The following DCC variants were observed in gnomAD, a reference collection of about 807,000 sequenced individuals.
The protein encoded by DCC is DCC netrin 1 receptor.
Under a neutral mutation model 172.5 loss-of-function variants are expected in DCC, and 58 were observed. The observed-to-expected ratio is 0.34, with a 90% CI of 0.27 to 0.42. The LOEUF (loss-of-function observed/expected upper bound fraction) is 0.42. DCC is among the 10% of genes least tolerant of loss of function. The pLI, the probability that DCC is intolerant of heterozygous loss-of-function variation, is 1.00. For synonymous variants in DCC, 709 were observed against 644.5 expected (o/e 1.10, Z -1.52); for missense variants, 1,740 against 1,791.0 (o/e 0.97, Z 0.51).
At chr18:52,868,293 C>T (rs138960635) in intron 2 of DCC, among the ~76,000 whole-genome samples, 16 of 152,038 alleles carry the variant, frequency 1.1e-4, no homozygotes, top group East Asian at 7.8e-4. Context: ...TAAGTTAAAA[C>T]GGGTTTAATG....
At chr18:52,513,818 G>T (rs1380465950) in intron 1 of DCC, among the ~76,000 whole-genome samples, 2 of 152,182 alleles carry the variant, frequency 1.3e-5, no homozygotes, top group Non-Finnish European at 2.9e-5. Flanking sequence ...CAGATGTCCA[G>T]CAAAAGTTCT....
intron 5 of DCC, among the ~76,000 whole-genome samples, chr18:53,015,527 G>C (rs1405456504): frequency 6.6e-6 from 1 of 152,098 alleles, no homozygotes; most frequent in Non-Finnish European, 1.5e-5. Flanking sequence ...AATATTTAGA[G>C]GGTACATGCA....
chr18:52,393,042 G>A (rs1986089025), intron 1 of DCC, among the ~76,000 whole-genome samples: 1 of 152,058 alleles, frequency 6.6e-6, no homozygotes, highest in Non-Finnish European at 1.5e-5. Context: ...GAGAAGTGAT[G>A]AAATTAGACT....
chr18:53,133,338 C>A (rs1460425767), intron 7 of DCC, among the ~76,000 whole-genome samples: 4 of 152,166 alleles, frequency 2.6e-5, no homozygotes, highest in African/African-American at 9.7e-5. Flanking sequence ...TTTGCAATAT[C>A]CCTCAGAGAT....
At chr18:52,472,132 T>G (rs147632538) in intron 1 of DCC, among the ~76,000 whole-genome samples, 1 of 152,182 alleles carries the variant, frequency 6.6e-6, no homozygotes, top group East Asian at 1.9e-4. Context: ...TGTACAAGAA[T>G]GGATTTTGAG....
At chr18:52,845,361 T>C (rs1407433758) in intron 2 of DCC, among the ~76,000 whole-genome samples, 3 of 152,222 alleles carry the variant, frequency 2.0e-5, no homozygotes, top group Admixed American at 6.5e-5. Flanking sequence ...GTTAATGTAA[T>C]TATCCCACTG....
In DCC at chr18:53,459,284, C is replaced by T. The variant is rs1192643454; in HGVS notation, c.3445C>T (p.Arg1149Ter). 3 of 1,614,058 alleles carry T rather than the reference C, an allele frequency of 1.9e-6. No individual in the cohort carries two copies. Among genetic ancestry groups the T allele is most frequent in the Admixed American group, 1.7e-5 (1 of 59,992 alleles). The change falls in exon 24 of 29, where the codon CGA (arginine) becomes TGA (stop). Residue 1149 changes from arginine (R) to a stop codon, truncating the protein, a stop_gained. Coordinates refer to ENST00000442544, the MANE Select transcript of DCC (RefSeq NM_005215.4). LOFTEE classifies it high-confidence loss of function. ...GKRKGSQKDLRPPDLWIHHEE... is the reference protein window; with the variant it reads ...GKRKGSQKDL ...AAGGAAGGGCAGCCAGAAGGACCTC[C>T]GACCCCCTGATCTTTGGATCCATCA... is the stretch of plus-strand genomic sequence containing the variant.
chr18:52,680,049 G>A (rs1462506883), intron 1 of DCC, among the ~76,000 whole-genome samples: 5 of 152,098 alleles, frequency 3.3e-5, no homozygotes, highest in Admixed American at 6.6e-5. Flanking sequence ...CATGTATTAT[G>A]TGGAAGTATT....
chr18:52,579,441 C>A (rs544690891), intron 1 of DCC, among the ~76,000 whole-genome samples: 1 of 152,272 alleles, frequency 6.6e-6, no homozygotes, highest in African/African-American at 2.4e-5. Context: ...TGCAATAGGG[C>A]AAAGACTAGA....
intron 5 of DCC, among the ~76,000 whole-genome samples, chr18:52,959,623 T>C (rs994085380): frequency 1.3e-5 from 2 of 152,054 alleles, no homozygotes; most frequent in African/African-American, 4.8e-5. Flanking sequence ...AAATTTTAAG[T>C]ATTGAAAATA....
At chr18:52,344,193 T>C (rs1185378590) in intron 1 of DCC, among the ~76,000 whole-genome samples, 1 of 152,246 alleles carries the variant, frequency 6.6e-6, no homozygotes, top group East Asian at 1.9e-4. Context: ...AACTTCCTTA[T>C]TGTTTTCATT....
intron 15 of DCC, among the ~76,000 whole-genome samples, chr18:53,360,310 G>A (rs1212604279): frequency 6.6e-6 from 1 of 152,094 alleles, no homozygotes. Context: ...TTCTAGCAAT[G>A]TCTATTCTGA....
intron 7 of DCC, among the ~76,000 whole-genome samples, chr18:53,075,014 G>A (rs1331750626): frequency 6.6e-6 from 1 of 152,138 alleles, no homozygotes; most frequent in African/African-American, 2.4e-5. Context: ...GAAGTCTTTT[G>A]TTGGTTTTGT....
chr18:52,903,836 A>T (rs2039842755), intron 2 of DCC, among the ~76,000 whole-genome samples: 1 of 152,226 alleles, frequency 6.6e-6, no homozygotes, highest in Non-Finnish European at 1.5e-5. Context: ...GTTTAAGTAC[A>T]TGCCTTAAAT....
intron 5 of DCC, among the ~76,000 whole-genome samples, chr18:53,061,898 G>T (rs1044539018): frequency 6.6e-6 from 1 of 152,044 alleles, no homozygotes; most frequent in Non-Finnish European, 1.5e-5. Flanking sequence ...TTTGGCATTG[G>T]GTATTAAATG....
chr18:52,814,113 T>G (rs772773569), intron 2 of DCC, among the ~76,000 whole-genome samples: 3 of 152,242 alleles, frequency 2.0e-5, no homozygotes, highest in African/African-American at 7.2e-5. Flanking sequence ...GTGTACCCTG[T>G]TCTTTCATTC....
intron 2 of DCC, among the ~76,000 whole-genome samples, chr18:52,807,435 T>A (rs1025378493): frequency 4.6e-5 from 7 of 152,234 alleles, no homozygotes; most frequent in Admixed American, 3.9e-4. Flanking sequence ...CTCACTCATA[T>A]TTCACACTTT....
intron 15 of DCC, among the ~76,000 whole-genome samples, 170 bp downstream of exon 15, chr18:53,340,077 T>C (rs77050818): frequency 7.8e-4 from 79 of 101,384 alleles, no homozygotes; most frequent in East Asian, 2.5e-3. Context: ...CACACACACA[T>C]ACACACACAC....
intron 21 of DCC, among the ~76,000 whole-genome samples, chr18:53,420,088 CT>C (rs1261494081): frequency 6.6e-6 from 1 of 152,114 alleles, no homozygotes; most frequent in Non-Finnish European, 1.5e-5. Context: ...TCCTCCTGAC[CT>C]TGTGATCCGC....
Sources: gnomAD v4.1 joint callset for allele counts (sites outside exome capture counted in the v4.1 genomes callset) on GRCh38, gnomAD v4.1.1 for gene constraint, MANE v1.5 for transcripts, NCBI Gene and HGNC (gene_info 2026-07-23, HGNC 2026-07-21) for gene names.